SEMA3C: variants seen among roughly 807,000 people sequenced by gnomAD.
SEMA3C encodes semaphorin 3C.
A neutral mutation model predicts 89.4 loss-of-function variants in SEMA3C; 47 were observed. That is an observed-to-expected ratio of 0.53 (90% CI 0.42 to 0.67). SEMA3C has a LOEUF of 0.67. Ranked by LOEUF, SEMA3C falls within the 30% of genes least tolerant of loss-of-function variation. SEMA3C has a pLI of 0.00. For missense variants in SEMA3C, 839 were observed against 929.1 expected, an observed-to-expected ratio of 0.90 and a Z score of 1.26; for synonymous variants, 310 against 320.2, an observed-to-expected ratio of 0.97 and a Z score of 0.34.
chr7:80,828,894 G>A (rs1225011039), intron 2 of SEMA3C, 149 bp from the exon 3 acceptor site: 7 of 648,482 alleles, frequency 1.1e-5, no homozygotes, highest in South Asian at 3.0e-5. Flanking sequence ...AGAGTTATGG[G>A]CTAGTTCCCT....
intron 16 of SEMA3C, among the ~76,000 whole-genome samples, chr7:80,751,017 G>C (rs55810607): frequency 6.6e-6 from 1 of 151,974 alleles, no homozygotes; most frequent in Non-Finnish European, 1.5e-5. Flanking sequence ...CTGTAATTAC[G>C]ATCTGCGAGA....
chr7:80,767,815 A>C (rs751132394), intron 12 of SEMA3C, among the ~76,000 whole-genome samples: 1 of 152,202 alleles, frequency 6.6e-6, no homozygotes, highest in Non-Finnish European at 1.5e-5. Flanking sequence ...TCACATCTCA[A>C]GTTGGCTTCT....
At chr7:80,867,481 T>C (rs553979252) in intron 2 of SEMA3C, among the ~76,000 whole-genome samples, 4 of 152,268 alleles carry the variant, frequency 2.6e-5, no homozygotes, top group Non-Finnish European at 5.9e-5. Flanking sequence ...AAATCCCTAA[T>C]AAGTAGTGAT....
chr7:80,758,055 A>G (rs1380103246), intron 15 of SEMA3C, among the ~76,000 whole-genome samples: 1 of 152,196 alleles, frequency 6.6e-6, no homozygotes, highest in Non-Finnish European at 1.5e-5. Flanking sequence ...GAAATATTTG[A>G]TGAGTCCTAG....
At chr7:80,812,073 A>G (rs1269704318) in intron 5 of SEMA3C, among the ~76,000 whole-genome samples, 1 of 152,224 alleles carries the variant, frequency 6.6e-6, no homozygotes, top group Non-Finnish European at 1.5e-5. Context: ...TATATTTGTG[A>G]TAATCAATCA....
At chr7:80,809,317 G>A (rs976348481) in intron 6 of SEMA3C, among the ~76,000 whole-genome samples, 13 of 152,058 alleles carry the variant, frequency 8.5e-5, no homozygotes, top group Non-Finnish European at 1.8e-4. Context: ...TGGCTAACAC[G>A]TGCACTTTGT....
At chr7:80,855,560 C>A (rs566864050) in intron 2 of SEMA3C, among the ~76,000 whole-genome samples, 3 of 152,252 alleles carry the variant, frequency 2.0e-5, no homozygotes, top group East Asian at 1.9e-4. Context: ...TAAACCACTA[C>A]GTCTGGCCCC....
At chr7:80,866,912 A>G (rs1045183436) in intron 2 of SEMA3C, among the ~76,000 whole-genome samples, 1 of 152,200 alleles carries the variant, frequency 6.6e-6, no homozygotes, top group South Asian at 2.1e-4. Context: ...ACATGTGCGT[A>G]CAGAAAATAC....
chr7:80,834,630 A>G (rs568640906), intron 2 of SEMA3C, among the ~76,000 whole-genome samples: 39 of 152,286 alleles, frequency 2.6e-4, no homozygotes, highest in African/African-American at 9.1e-4. Context: ...GTCACGAAGA[A>G]TCTCATTCAT....
rs79300153 is a variant in SEMA3C at position 80,829,472 on chromosome 7, G to A, written c.104-727C>T. ...TCTATTTATTCATCATTTTAGGATT[G>A]TTATTTCCTACTACAAATATTTGCC... On this transcript the variant is annotated intron_variant, in intron 2 of 17. Coordinates refer to ENST00000265361, the MANE Select transcript of SEMA3C (RefSeq NM_006379.5). Among the ~76,000 whole-genome samples the A allele has an allele frequency of 5.1e-3, 769 of 152,130 alleles. 38 individuals are homozygous for A. In the East Asian group the frequency reaches 0.11, roughly 22 times the overall value.
intron 2 of SEMA3C, among the ~76,000 whole-genome samples, chr7:80,836,304 G>A (rs922243301): frequency 6.6e-6 from 1 of 152,178 alleles, no homozygotes; most frequent in Admixed American, 6.6e-5. Context: ...TGACAGGCAT[G>A]ATGGGATAAA....
At chr7:80,837,260 C>T (rs1027653832) in intron 2 of SEMA3C, among the ~76,000 whole-genome samples, 12 of 152,182 alleles carry the variant, frequency 7.9e-5, no homozygotes, top group African/African-American at 2.9e-4. Context: ...CATAGGAATG[C>T]TAAGTTTTCT....
In SEMA3C at chr7:80,742,592, T is replaced by C. The variant is rs1364756407; in HGVS notation, c.*2302A>G. Reference sequence around the variant, plus strand: ...GGCCAATGATTTCATCAATATCCAATTAAATTTTAGTGTGACAACTACATT... The same window carrying C: ...GGCCAATGATTTCATCAATATCCAACTAAATTTTAGTGTGACAACTACATT... On this transcript the variant is annotated 3_prime_UTR_variant, in exon 18 of 18. Coordinates refer to ENST00000265361, the MANE Select transcript of SEMA3C (RefSeq NM_006379.5). The C allele has an allele frequency of 6.6e-6, 1 of 152,036 alleles. No individual in the cohort carries two copies. The highest frequency in any genetic ancestry group is 1.5e-5 in the Non-Finnish European group (1 of 67,886). The allele number at this position is 152,036 out of a possible 1,614,324, so 9.4% of individuals were successfully genotyped here. A position where few individuals can be genotyped will look rare whatever the true frequency, so the allele number is the denominator to read the frequency against.
chr7:80,800,392 A>T (rs1789173503), intron 10 of SEMA3C, among the ~76,000 whole-genome samples: 1 of 152,184 alleles, frequency 6.6e-6, no homozygotes, highest in Admixed American at 6.5e-5. Flanking sequence ...AATCCAGGTG[A>T]TAAACATTTA....
chr7:80,805,445 T>C (rs1285830486), intron 7 of SEMA3C, among the ~76,000 whole-genome samples, 194 bp downstream of exon 7: 1 of 152,072 alleles, frequency 6.6e-6, no homozygotes, highest in African/African-American at 2.4e-5. Context: ...AAATAAAGAA[T>C]CGAAATATGG....
At chr7:80,919,497 A>G, upstream of SEMA3C, 1 of 479,608 alleles carries the variant, frequency 2.1e-6, no homozygotes, top group Non-Finnish European at 2.7e-6. Flanking sequence ...GGATCACTGC[A>G]GCCTTTTAAG....
At chr7:80,840,255 C>T (rs1790230948) in intron 2 of SEMA3C, among the ~76,000 whole-genome samples, 1 of 152,078 alleles carries the variant, frequency 6.6e-6, no homozygotes, top group African/African-American at 2.4e-5. Context: ...TGTGGTAGCT[C>T]ATGCCTGTAA....
intron 2 of SEMA3C, among the ~76,000 whole-genome samples, chr7:80,847,927 G>T (rs73373002): frequency 0.026 from 3,942 of 152,242 alleles, 159 homozygotes; most frequent in African/African-American, 0.085. Flanking sequence ...ATCGTTTCCA[G>T]CATTGGTCTT....
rs187303948 is a variant in SEMA3C at position 80,869,789 on chromosome 7, C to T, written c.104-41044G>A. 4.6e-4 allele frequency among the ~76,000 whole-genome samples: 70 copies of T among 152,178 alleles called. 1 individual carries two copies. In the East Asian group the frequency reaches 0.013, roughly 28 times the overall value. ...TTCAGACCTCAGTATCACCCTCAAC[C>T]CTTACTCCCTCATTCCTCAAACCAA... On this transcript the variant is annotated intron_variant, in intron 2 of 17. Transcript: ENST00000265361.
Sources: allele counts gnomAD v4.1 joint callset (sites outside exome capture counted in the v4.1 genomes callset), GRCh38; gene constraint gnomAD v4.1.1; transcripts MANE v1.5; gene names NCBI Gene and HGNC (gene_info 2026-07-23, HGNC 2026-07-21).